The following PCDHGA9 variants were observed in gnomAD, a reference collection of about 807,000 sequenced individuals.
PCDHGA9 encodes the protein protocadherin gamma-A9.
Under a neutral mutation model 62.5 loss-of-function variants are expected in PCDHGA9, and 37 were observed. The ratio of observed to expected loss-of-function variants is 0.59; its 90% CI spans 0.46 to 0.78. PCDHGA9 has a LOEUF of 0.78. Ranked by LOEUF, PCDHGA9 falls within the 30% of genes least tolerant of loss-of-function variation. The pLI is 0.00. For synonymous variants in PCDHGA9, 459 were observed against 484.6 expected (o/e 0.95, Z 0.69); for missense variants, 1,138 against 1,166.2 (o/e 0.98, Z 0.35).
intron 1 of PCDHGA9, among the ~76,000 whole-genome samples, chr5:141,430,013 G>T (rs2097256191): frequency 6.6e-6 from 1 of 151,922 alleles, no homozygotes; most frequent in South Asian, 2.1e-4. Context: ...TTTTCACTTG[G>T]GTTCTTGTTA....
intron 1 of PCDHGA9, chr5:141,418,345 T>G: frequency 6.2e-7 from 1 of 1,614,000 alleles, no homozygotes; most frequent in Non-Finnish European, 8.5e-7. Context: ...ATCCTGATAT[T>G]AGTATGAATT....
rs143278253 is a variant in PCDHGA9 at position 141,476,491 on chromosome 5, C to T, written c.2425-18316C>T. 9.5e-5 allele frequency: 153 copies of T among 1,613,894 alleles called. No individual in the cohort carries two copies. The highest frequency in any genetic ancestry group is 5.4e-5 in the Non-Finnish European group (64 of 1,180,020). On this transcript the variant is annotated intron_variant, in intron 1 of 3. Transcript: ENST00000573521. This position sits in a 1 kb window ranked among gnomAD's most constrained non-coding sequence, Gnocchi z 7.6. ...AGCTGTTCAGCGTGGAAGTGGTGAT[C>T]CAGGACATCAACGACAACAATCCTG... is the stretch of plus-strand genomic sequence containing the variant.
At chr5:141,415,344 G>A in intron 1 of PCDHGA9, 15 of 1,614,238 alleles carry the variant, frequency 9.3e-6, no homozygotes, top group Non-Finnish European at 1.3e-5. Flanking sequence ...TGCGGCGCTG[G>A]CACAAGTCAC....
At chr5:141,466,545 T>C (rs2099124777) in intron 1 of PCDHGA9, among the ~76,000 whole-genome samples, 1 of 152,216 alleles carries the variant, frequency 6.6e-6, no homozygotes. Flanking sequence ...AGATGGTCTT[T>C]TGCTGTGGGC....
rs771681529 is a variant in PCDHGA9 at position 141,486,617 on chromosome 5, C to T, written c.2425-8190C>T. The T allele has an allele frequency of 1.2e-6, 2 of 1,613,602 alleles. No individual in the cohort carries two copies. Among genetic ancestry groups the T allele is most frequent in the Non-Finnish European group, 1.7e-6 (2 of 1,180,036 alleles). On this transcript the variant is annotated intron_variant, in intron 1 of 3. Coordinates refer to ENST00000573521, the MANE Select transcript of PCDHGA9 (RefSeq NM_018921.3). The surrounding 1 kb of genome is among the most constrained non-coding windows in gnomAD (Gnocchi z 5.0). ...GCTTTGCTCCCTTGCAGCCTCTGAC[C>T]CAGACTCTGGCTTGAATGCGCTTAT...
Position 141,404,354 on chromosome 5 carries a change from G to A in PCDHGA9, c.1402G>A (p.Gly468Ser), listed in dbSNP as rs749866543. The change falls in exon 1 of 4, where the codon GGT becomes AGT. Residue 468 changes from glycine to serine, a missense_variant. Physicochemically the swap from Gly to Ser is moderately conservative, Grantham distance 56. Coordinates refer to ENST00000573521, the MANE Select transcript of PCDHGA9 (RefSeq NM_018921.3). ...CTACCTCCCGGAAAACAACGCCAGA[G>A]GTACTTCCATCTTCTCCGTGATTGC... The part of the protein sequence containing the change: ...SVYLPENNAR[G>S]TSIFSVIAYD... 6.2e-7 allele frequency: 1 copy of A among 1,613,916 alleles called. No homozygotes were observed. The highest frequency in any genetic ancestry group is 8.5e-7 in the Non-Finnish European group (1 of 1,179,862).
chr5:141,415,660 T>C, intron 1 of PCDHGA9: 2 of 1,583,052 alleles, frequency 1.3e-6, no homozygotes, highest in Non-Finnish European at 8.6e-7. Context: ...AAAGATTGGT[T>C]TTTACTTTGA....
At chr5:141,460,459 T>A (rs2098989808) in intron 1 of PCDHGA9, among the ~76,000 whole-genome samples, 1 of 152,176 alleles carries the variant, frequency 6.6e-6, no homozygotes, top group South Asian at 2.1e-4. Flanking sequence ...ATTCATATTT[T>A]TTTCCAAAGG....
chr5:141,438,037 G>A (rs2097925203), intron 1 of PCDHGA9, among the ~76,000 whole-genome samples: 1 of 151,910 alleles, frequency 6.6e-6, no homozygotes, highest in African/African-American at 2.4e-5. Flanking sequence ...CACCATGCCC[G>A]ACCACTTTGA....
At chr5:141,419,724 G>T in intron 1 of PCDHGA9, 1 of 1,613,488 alleles carries the variant, frequency 6.2e-7, no homozygotes, top group Non-Finnish European at 8.5e-7. Flanking sequence ...CTGGGGCTGC[G>T]AACAGGCGAG....
At chr5:141,466,376 C>A (rs1046432765) in intron 1 of PCDHGA9, among the ~76,000 whole-genome samples, 1 of 151,904 alleles carries the variant, frequency 6.6e-6, no homozygotes, top group Non-Finnish European at 1.5e-5. Flanking sequence ...GTTTTGGCAC[C>A]CATCTAATGG....
Position 141,431,548 on chromosome 5 carries a change from A to G in PCDHGA9, c.2424+26172A>G, listed in dbSNP as rs1357844542. 2 of 1,614,136 alleles carry G rather than the reference A, an allele frequency of 1.2e-6. No individual in the cohort carries two copies. Among genetic ancestry groups the G allele is most frequent in the Admixed American group, 1.7e-5 (1 of 60,030 alleles). On this transcript the variant is annotated intron_variant, in intron 1 of 3. Coordinates refer to ENST00000573521, the MANE Select transcript of PCDHGA9 (RefSeq NM_018921.3). This position sits in a 1 kb window ranked among gnomAD's most constrained non-coding sequence, Gnocchi z 4.8. ...TGGCCTTGGGCACGCAGCTGCTTGT[A>G]GTCAACGCTACCGACCCTGACGAAG... is the stretch of plus-strand genomic sequence containing the variant.
chr5:141,408,673 C>T (rs1397679515), intron 1 of PCDHGA9: 3 of 1,613,854 alleles, frequency 1.9e-6, no homozygotes, highest in Non-Finnish European at 2.5e-6. Flanking sequence ...TTGACCCTGC[C>T]ACGGATCCTG....
intron 1 of PCDHGA9, chr5:141,421,719 C>T (rs2096595246): frequency 6.2e-7 from 1 of 1,613,942 alleles, no homozygotes; most frequent in Non-Finnish European, 8.5e-7. Flanking sequence ...CAGATGTGGG[C>T]GTGAACTCCC....
rs73280340 is a variant in PCDHGA9, at chr5:141,473,067, G to A, written c.2425-21740G>A. On this transcript the variant is annotated intron_variant, in intron 1 of 3. Transcript: ENST00000573521. ...GAAAGAAGTGATACAACAAGTTACA[G>A]CATCTTTGTTTATTATCCACTGTGA... Among the ~76,000 whole-genome samples the A allele has an allele frequency of 5.6e-3, 854 of 152,054 alleles. 5 individuals are homozygous for A. The highest frequency in any genetic ancestry group is 0.019 in the African/African-American group (798 of 41,456).
chr5:141,438,595 T>TAC (rs2098000070), intron 1 of PCDHGA9, among the ~76,000 whole-genome samples: 6 of 58,022 alleles, frequency 1.0e-4, no homozygotes, highest in African/African-American at 1.8e-4. Context: ...TACATACATA[T>TAC]ATATATATAT....
chr5:141,460,414 T>G (rs1289935272), intron 1 of PCDHGA9, among the ~76,000 whole-genome samples: 1 of 152,216 alleles, frequency 6.6e-6, no homozygotes, highest in Non-Finnish European at 1.5e-5. Context: ...GAGTTGATGT[T>G]TATGTATGGT....
chr5:141,428,757 G>T (rs1216855355), intron 1 of PCDHGA9: 1 of 154,176 alleles, frequency 6.5e-6, no homozygotes, highest in Non-Finnish European at 1.4e-5. Context: ...CTTCAGGTTT[G>T]TTTGCCCACT....
chr5:141,412,233 A>G (rs866840267), intron 1 of PCDHGA9: 4 of 152,256 alleles, frequency 2.6e-5, no homozygotes, highest in Admixed American at 6.5e-5. Context: ...TTAAAAACCT[A>G]TATCACTACA....
Sources: gnomAD v4.1 joint callset for allele counts (sites outside exome capture counted in the v4.1 genomes callset) on GRCh38, gnomAD v4.1.1 for gene constraint, Gnocchi (gnomAD v3.1) non-coding constraint, MANE v1.5 for transcripts, NCBI Gene and HGNC (gene_info 2026-07-23, HGNC 2026-07-21) for gene names.